CHRDL1: variants seen among roughly 807,000 people sequenced by gnomAD.
The protein encoded by CHRDL1 is chordin like 1.
CHRDL1 carries 19 observed loss-of-function variants against 40.9 expected under a neutral mutation model. The ratio of observed to expected loss-of-function variants is 0.46; its 90% confidence interval spans 0.32 to 0.68. The LOEUF (loss-of-function observed/expected upper bound fraction) is 0.68. Among genes scored for constraint, CHRDL1 ranks in the 30% least tolerant of loss-of-function variants. The pLI is 0.03. For missense variants in CHRDL1, 329 were observed against 352.1 expected (o/e 0.93, Z 0.53); for synonymous variants, 136 against 123.4 (o/e 1.10, Z -0.68).
At chrX:110,790,384 T>C (rs960643150) in intron 2 of CHRDL1, among the ~76,000 whole-genome samples, 18 of 111,795 alleles carry the variant, frequency 1.6e-4, no homozygotes, top group African/African-American at 5.9e-4. Context: ...AAGTAGTAGA[T>C]TTGGGTTTGT....
At chrX:110,706,242 T>C (rs1432608549) in intron 6 of CHRDL1, among the ~76,000 whole-genome samples, 1 of 111,946 alleles carries the variant, frequency 8.9e-6, no homozygotes, top group Non-Finnish European at 1.9e-5. Context: ...GCCAAGTCTT[T>C]TTGTAAAAAA....
intron 2 of CHRDL1, among the ~76,000 whole-genome samples, chrX:110,764,177 C>G (rs1389823261): frequency 1.8e-5 from 2 of 111,681 alleles, no homozygotes; most frequent in African/African-American, 6.5e-5. Flanking sequence ...AGATTTTCTC[C>G]CACTCTGTGG....
At chrX:110,728,085 A>G (rs1023412168) in intron 4 of CHRDL1, among the ~76,000 whole-genome samples, 2 of 110,897 alleles carry the variant, frequency 1.8e-5, no homozygotes, top group African/African-American at 3.3e-5. Flanking sequence ...TGCACAATAG[A>G]CTACCTTTTA....
intron 6 of CHRDL1, among the ~76,000 whole-genome samples, chrX:110,712,758 C>T (rs1183145446): frequency 9.1e-6 from 1 of 110,208 alleles, no homozygotes; most frequent in Non-Finnish European, 1.9e-5. Flanking sequence ...GTCCCAGCTA[C>T]TCAGGAGGCT....
intron 6 of CHRDL1, among the ~76,000 whole-genome samples, chrX:110,701,313 T>C (rs937712154): frequency 1.8e-5 from 2 of 111,843 alleles, no homozygotes; most frequent in Non-Finnish European, 1.9e-5. Context: ...TCCAAGAATA[T>C]TGCCCTTGTG....
chrX:110,721,732 T>A (rs1240842030), intron 4 of CHRDL1, among the ~76,000 whole-genome samples: 4 of 111,944 alleles, frequency 3.6e-5, no homozygotes, highest in Non-Finnish European at 7.5e-5. Flanking sequence ...CATCCATCCA[T>A]CCATCCGTCC....
chrX:110,728,347 T>C (rs939099502), intron 4 of CHRDL1, among the ~76,000 whole-genome samples: 1 of 111,635 alleles, frequency 9.0e-6, no homozygotes, highest in African/African-American at 3.3e-5. Context: ...TTGAATGATA[T>C]AAATGTATTC....
chrX:110,763,882 G>A (rs187429289), intron 2 of CHRDL1, among the ~76,000 whole-genome samples: 62 of 111,207 alleles, frequency 5.6e-4, no homozygotes, highest in African/African-American at 1.8e-3. Flanking sequence ...CTGTTTTTTC[G>A]TTTTTTGATT....
intron 4 of CHRDL1, among the ~76,000 whole-genome samples, chrX:110,730,227 GC>G (rs1198263986): frequency 8.9e-6 from 1 of 112,171 alleles, no homozygotes; most frequent in African/African-American, 3.2e-5. Flanking sequence ...GTCTTTCACA[GC>G]CCTGTAGAAC....
chrX:110,773,685 G>A (rs1158461251), intron 2 of CHRDL1, among the ~76,000 whole-genome samples: 6 of 94,516 alleles, frequency 6.3e-5, no homozygotes, highest in Non-Finnish European at 1.0e-4. Flanking sequence ...CCGAGATCGC[G>A]CCACTGCACT....
intron 4 of CHRDL1, among the ~76,000 whole-genome samples, chrX:110,726,187 T>A (rs1220288899): frequency 9.0e-6 from 1 of 111,714 alleles, no homozygotes; most frequent in Non-Finnish European, 1.9e-5. Flanking sequence ...AACATTGGTC[T>A]CTGGGGTCCC....
intron 2 of CHRDL1, among the ~76,000 whole-genome samples, chrX:110,772,899 A>G (rs1345951494): frequency 1.8e-5 from 2 of 112,643 alleles, no homozygotes; most frequent in East Asian, 5.6e-4. Context: ...ATATATAAAA[A>G]TAAACTCAAG....
intron 4 of CHRDL1, among the ~76,000 whole-genome samples, chrX:110,735,006 T>C (rs1377418396): frequency 9.2e-6 from 1 of 108,996 alleles, no homozygotes; most frequent in African/African-American, 3.6e-5. Flanking sequence ...ACTTGGTTAG[T>C]TCTAATCCTT....
intron 9 of CHRDL1, among the ~76,000 whole-genome samples, chrX:110,684,417 A>G (rs189396679): frequency 9.0e-6 from 1 of 111,475 alleles, no homozygotes; most frequent in Admixed American, 9.5e-5. Context: ...TTAAGAGGCC[A>G]GTAATGTCAT....
chrX:110,703,916 C>G (rs1369546138), intron 6 of CHRDL1, among the ~76,000 whole-genome samples: 2 of 110,982 alleles, frequency 1.8e-5, no homozygotes, highest in African/African-American at 3.3e-5. Context: ...GTAGAAACTT[C>G]AGATATGAAA....
intron 4 of CHRDL1, among the ~76,000 whole-genome samples, chrX:110,741,221 G>GA (rs1401593053): frequency 8.9e-6 from 1 of 111,859 alleles, no homozygotes; most frequent in Admixed American, 9.5e-5. Context: ...AGGGCAAAGG[G>GA]AACCCTAATA....
intron 4 of CHRDL1, among the ~76,000 whole-genome samples, chrX:110,734,676 T>G (rs765115781): frequency 7.1e-5 from 8 of 112,192 alleles, no homozygotes; most frequent in African/African-American, 2.6e-4. Context: ...AGAAGCCCAC[T>G]AAAATCCAGT....
intron 4 of CHRDL1, among the ~76,000 whole-genome samples, chrX:110,755,749 T>A (rs1466147091): frequency 9.0e-6 from 1 of 111,675 alleles, no homozygotes; most frequent in Non-Finnish European, 1.9e-5. Flanking sequence ...TTCCATTGGG[T>A]TAAGATGGAA....
chrX:110,715,926 A>C, intron 6 of CHRDL1, among the ~76,000 whole-genome samples: 1 of 112,552 alleles, frequency 8.9e-6, no homozygotes, highest in Non-Finnish European at 1.9e-5. Context: ...GAAATGTAAC[A>C]GCTACACTGT....
Sources: allele counts gnomAD v4.1 joint callset (sites outside exome capture counted in the v4.1 genomes callset), GRCh38; gene constraint gnomAD v4.1.1; transcripts MANE v1.5; gene names NCBI Gene and HGNC (gene_info 2026-07-23, HGNC 2026-07-21).